Variants in TEAD2 observed in about 807,000 individuals in gnomAD.
TEAD2 encodes the protein transcriptional enhancer factor TEF-4.
In TEAD2, 51 loss-of-function variants were observed where a neutral mutation model predicts 61.4. The observed-to-expected ratio is 0.83, with a 90% confidence interval of 0.66 to 1.05. TEAD2 has a LOEUF of 1.05. Ranked by LOEUF, TEAD2 falls within the 50% of genes least tolerant of loss-of-function variation. The pLI, the probability that TEAD2 is intolerant of heterozygous loss-of-function variation, is 0.00. For missense variants in TEAD2, 509 were observed against 600.0 expected, an observed-to-expected ratio of 0.85 and a Z score of 1.58; for synonymous variants, 244 against 243.2, an observed-to-expected ratio of 1.00 and a Z score of -0.03.
chr19:49,356,022 A>G, intron 4 of TEAD2, 52 bp from the exon 5 acceptor site: 1 of 1,240,868 alleles, frequency 8.1e-7, no homozygotes. Flanking sequence ...AACATGACTT[A>G]GGAAGTACGG....
chr19:49,351,695 A>G (rs1972033746), intron 7 of TEAD2, among the ~76,000 whole-genome samples: 1 of 152,042 alleles, frequency 6.6e-6, no homozygotes, highest in Non-Finnish European at 1.5e-5. Flanking sequence ...CAGAAAGAGA[A>G]GAGAAACCAG....
At position 49,360,033 on chromosome 19, in the gene TEAD2, C is replaced by T. The variant is rs145405952; in HGVS notation, c.43G>A (p.Gly15Ser). ...RAGAALDDGS[G>S]WTGSEEGSEE... Reference sequence around the variant, plus strand: ...CTGCCTTCCTCACTGCCCGTCCAGCCGCTGCCATCGTCCAGGGCGGCCCCA... The same window carrying T: ...CTGCCTTCCTCACTGCCCGTCCAGCTGCTGCCATCGTCCAGGGCGGCCCCA... Residue 15 changes from glycine to serine, a missense_variant, in exon 2 of 13, where the codon GGC (glycine) becomes AGC (serine). Physicochemically the swap from Gly to Ser is moderately conservative, Grantham distance 56. Coordinates refer to ENST00000593945, the MANE Select transcript of TEAD2 (RefSeq NM_001256660.2). 46 of 1,608,414 alleles carry T rather than the reference C, an allele frequency of 2.9e-5. No homozygotes were observed. The African/African-American group carries it at 4.5e-4, about 16-fold the overall frequency.
At position 49,351,344 on chromosome 19, in the gene TEAD2, T is replaced by C. The variant is rs554826055; in HGVS notation, c.561A>G (p.Thr187=). Residue 187 remains threonine (T), a synonymous_variant, in exon 8 of 13, where the codon ACA becomes ACG. Coordinates refer to ENST00000593945, the MANE Select transcript of TEAD2 (RefSeq NM_001256660.2). ...GGGGAGTCAGTGACAAGGTGAACGG[T>C]GTCTGTGAGAATGGCTTCACACTGA... ...NVPDVKPFSQ[T]PFTLSLTPPS... is the part of the protein sequence containing the mutation. 1.1e-4 allele frequency: 176 copies of C among 1,612,172 alleles called. 1 individual carries two copies. The South Asian group carries it at 1.8e-3, about 17-fold the overall frequency.
rs556689496 is a variant in TEAD2 at position 49,347,105 on chromosome 19, C to T, written c.921+85G>A. ...AGTCCCAGGCTGACCTGGTAGGGCC[C>T]GCGACAGATTCTCTCAGGGCCAGAG... On this transcript the variant is annotated intron_variant, in intron 10 of 12. Transcript: ENST00000593945. 914 of 1,540,980 alleles carry T rather than the reference C, an allele frequency of 5.9e-4. 11 individuals are homozygous for T. The South Asian group carries it at 9.9e-3, about 17-fold the overall frequency.
At chr19:49,358,054 G>A (rs57637262) in intron 3 of TEAD2, among the ~76,000 whole-genome samples, 1,900 of 152,018 alleles carry the variant, frequency 0.012, 46 homozygotes, top group African/African-American at 0.044. Context: ...CCAGCATGGC[G>A]ATACCCTACT....
At chr19:49,357,633 T>C in intron 3 of TEAD2, 1 of 453,730 alleles carries the variant, frequency 2.2e-6, no homozygotes, top group Non-Finnish European at 4.1e-6. Flanking sequence ...CGAACAGACA[T>C]GCTGATACAG....
chr19:49,350,425 T>G (rs986880594), intron 8 of TEAD2, among the ~76,000 whole-genome samples: 1 of 152,138 alleles, frequency 6.6e-6, no homozygotes, highest in African/African-American at 2.4e-5. Flanking sequence ...GTTCAAGTGA[T>G]TCTCCTGCCT....
intron 4 of TEAD2, among the ~76,000 whole-genome samples, chr19:49,356,604 G>C (rs1214644072): frequency 3.3e-5 from 5 of 152,002 alleles, no homozygotes; most frequent in African/African-American, 1.2e-4. Context: ...CAGGAAATGG[G>C]AAAACAAACC....
At chr19:49,355,529 A>G (rs1452983659) in intron 5 of TEAD2, 110 bp from the exon 6 acceptor site, 2 of 899,140 alleles carry the variant, frequency 2.2e-6, no homozygotes, top group Non-Finnish European at 3.5e-6. Flanking sequence ...GTGGGGAGTC[A>G]AGGCAAAGGG....
rs1203263578 is a variant in TEAD2, at chr19:49,341,622, G to T, written c.1243-185C>A. Reference sequence around the variant, plus strand: ...AAAGTCAGTTCCCTGGGCAATGGGGGTTACCCCTCAGCTGAGCGTTGGCAG... The same window carrying T: ...AAAGTCAGTTCCCTGGGCAATGGGGTTTACCCCTCAGCTGAGCGTTGGCAG... On this transcript the variant is annotated intron_variant, in intron 12 of 12. Coordinates refer to ENST00000593945, the MANE Select transcript of TEAD2 (RefSeq NM_001256660.2). The surrounding 1 kb of genome is among the most constrained non-coding windows in gnomAD (Gnocchi z 4.2). Among the ~76,000 whole-genome samples, 9 of 152,120 alleles carry T rather than the reference G, an allele frequency of 5.9e-5. No individual in the cohort carries two copies. The highest frequency in any genetic ancestry group is 8.8e-5 in the Non-Finnish European group (6 of 68,012).
At chr19:49,356,982 C>T (rs1568577294) in intron 4 of TEAD2, among the ~76,000 whole-genome samples, 1 of 151,868 alleles carries the variant, frequency 6.6e-6, no homozygotes, top group African/African-American at 2.4e-5. Flanking sequence ...CTCTGTCCCC[C>T]TCTGTCTATG....
At chr19:49,347,457 A>G (rs1971727499) in intron 9 of TEAD2, 94 bp from the exon 10 acceptor site, 2 of 1,407,644 alleles carry the variant, frequency 1.4e-6, no homozygotes, top group Non-Finnish European at 2.0e-6. Context: ...CCATCCCCAC[A>G]GCTCTGGCCA....
rs1971217246 is a variant in TEAD2, at chr19:49,340,889, C to A, written c.*435G>T. 1 of 188,208 alleles carries A rather than the reference C, an allele frequency of 5.3e-6. No homozygotes were observed. Among genetic ancestry groups the A allele is most frequent in the Non-Finnish European group, 1.1e-5 (1 of 90,060 alleles). The allele number at this position is 188,208 out of a possible 1,614,324, so 11.7% of individuals were successfully genotyped here. Reference sequence around the variant, plus strand: ...ATGGAGTGAGGGTGGTAGAGAGGGGCAGAAATTTCAGGGGGAGGGGTGGCT... The same window carrying A: ...ATGGAGTGAGGGTGGTAGAGAGGGGAAGAAATTTCAGGGGGAGGGGTGGCT... On this transcript the variant is annotated 3_prime_UTR_variant, in exon 13 of 13. Transcript: ENST00000593945.
chr19:49,360,116 A>C (rs371579766), intron 1 of TEAD2, 35 bp from the exon 2 acceptor site: 5 of 1,524,698 alleles, frequency 3.3e-6, no homozygotes, highest in African/African-American at 2.7e-5. Flanking sequence ...GCTTCCCCCA[A>C]ACCCCACCCT....
chr19:49,358,348 G>A (rs888993969), intron 3 of TEAD2, among the ~76,000 whole-genome samples: 8 of 152,206 alleles, frequency 5.3e-5, no homozygotes, highest in African/African-American at 1.9e-4. Context: ...CCGGAAGGCG[G>A]AGGCTGCAGT....
chr19:49,348,224 C>G (rs561892722), intron 9 of TEAD2, among the ~76,000 whole-genome samples: 1 of 152,354 alleles, frequency 6.6e-6, no homozygotes, highest in East Asian at 1.9e-4. Context: ...TGCAACTTAT[C>G]TGGCATTCAG....
chr19:49,349,651 C>CACTT (rs1355824188), intron 8 of TEAD2, among the ~76,000 whole-genome samples: 1 of 152,138 alleles, frequency 6.6e-6, no homozygotes, highest in Non-Finnish European at 1.5e-5. Flanking sequence ...TGCTCCCTCT[C>CACTT]ACCATGTGAC....
At position 49,359,450 on chromosome 19, in the gene TEAD2, G is replaced by A. The variant is rs1215153684; in HGVS notation, c.282C>T (p.Thr94=). Residue 94 remains threonine (T), a synonymous_variant, in exon 3 of 13, where the codon ACC becomes ACT. Coordinates refer to ENST00000593945, the MANE Select transcript of TEAD2 (RefSeq NM_001256660.2). The surrounding 1 kb of genome is among the most constrained non-coding windows in gnomAD (Gnocchi z 4.1). ...ATTCCGAGACCTGTTTTCGAGTTCG[G>A]GTCTTCCCCGTTCTCAGCTTGATGT... is the stretch of plus-strand genomic sequence containing the variant. ...ARYIKLRTGK[T]RTRKQVSSHI... 6.2e-7 allele frequency: 1 copy of A among 1,614,020 alleles called. No homozygotes were observed. Among genetic ancestry groups the A allele is most frequent in the Non-Finnish European group, 8.5e-7 (1 of 1,179,996 alleles).
Position 49,342,610 on chromosome 19 carries a change from G to A in TEAD2, c.1090-20C>T, listed in dbSNP as rs1419609103. 2.5e-6 allele frequency: 4 copies of A among 1,602,342 alleles called. No homozygotes were observed. Among genetic ancestry groups the A allele is most frequent in the South Asian group, 1.1e-5 (1 of 90,818 alleles). On this transcript the variant is annotated intron_variant, in intron 11 of 12. Coordinates refer to ENST00000593945, the MANE Select transcript of TEAD2 (RefSeq NM_001256660.2). The stretch of plus-strand genomic sequence containing the variant: ...TTCCGTCTGAACCAAGGGGAAGGGA[G>A]TTGGGAAAATGGTGGCTGAGAGACC...
Sources: gnomAD v4.1 joint callset for allele counts (sites outside exome capture counted in the v4.1 genomes callset) on GRCh38, gnomAD v4.1.1 for gene constraint, Gnocchi (gnomAD v3.1) non-coding constraint, MANE v1.5 for transcripts, NCBI Gene and HGNC (gene_info 2026-07-23, HGNC 2026-07-21) for gene names.